The following TMEM131 variants were observed in gnomAD, a reference collection of about 807,000 sequenced individuals.
TMEM131 encodes 2610524E03Rik.
Under a neutral mutation model 211.6 loss-of-function variants are expected in TMEM131, and 66 were observed. The observed-to-expected ratio is 0.31, with a 90% CI of 0.26 to 0.38. The LOEUF (loss-of-function observed/expected upper bound fraction) is 0.38. TMEM131 is among the 10% of genes least tolerant of loss of function. The pLI is 1.00. For synonymous variants in TMEM131, 844 were observed against 841.3 expected (o/e 1.00, Z -0.06); for missense variants, 2,036 against 2,299.3 (o/e 0.89, Z 2.34).
At chr2:97,772,910 A>T (rs72946421) in intron 32 of TMEM131, among the ~76,000 whole-genome samples, 3,799 of 152,216 alleles carry the variant, frequency 0.025, 163 homozygotes, top group African/African-American at 0.087. Flanking sequence ...AATAAAGTAA[A>T]ATTTGTCTCG....
At chr2:97,848,482 C>T (rs949785579) in intron 5 of TMEM131, among the ~76,000 whole-genome samples, 1 of 152,166 alleles carries the variant, frequency 6.6e-6, no homozygotes, top group African/African-American at 2.4e-5. Flanking sequence ...TGGCTATGCA[C>T]GTATCTCCTG....
At position 97,995,522 on chromosome 2, in the gene TMEM131, G is replaced by C; in HGVS notation, c.141C>G (p.His47Gln). ...SAAAGLLGAL[H>Q]LVMTLVVAAA... ...CAGCCACTACGAGGGTCATCACCAGGTGCAGCGCGCCTAGGAGGCCGGCGG... is the reference window on the plus strand; with the variant it reads ...CAGCCACTACGAGGGTCATCACCAGCTGCAGCGCGCCTAGGAGGCCGGCGG... Residue 47 changes from histidine (H) to glutamine (Q), a missense_variant, in exon 1 of 41, where the codon CAC becomes CAG. His to Gln is a conservative substitution (Grantham distance 24, BLOSUM62 0). Transcript: ENST00000186436. The C allele has an allele frequency of 2.1e-6, 3 of 1,398,222 alleles. No individual in the cohort carries two copies. The highest frequency in any genetic ancestry group is 6.2e-5 in the East Asian group (2 of 32,078). The allele number at this position is 1,398,222 out of a possible 1,614,324, so 86.6% of individuals were successfully genotyped here. A position where few individuals can be genotyped will look rare whatever the true frequency, so the allele number is the denominator to read the frequency against.
chr2:97,908,241 C>A (rs570631531), intron 3 of TMEM131, among the ~76,000 whole-genome samples: 5 of 152,220 alleles, frequency 3.3e-5, no homozygotes, highest in Non-Finnish European at 7.4e-5. Context: ...TATTTAAAAG[C>A]GGTCTCTCCA....
rs184450372 is a variant in TMEM131 at position 97,954,183 on chromosome 2, T to C, written c.188-26696A>G. 1.5e-3 allele frequency among the ~76,000 whole-genome samples: 228 copies of C among 151,968 alleles called. 1 individual carries two copies. Among genetic ancestry groups the C allele is most frequent in the African/African-American group, 5.3e-3 (221 of 41,432 alleles). On this transcript the variant is annotated intron_variant, in intron 1 of 40. Transcript: ENST00000186436. ...AAAACAAGAGCAGAAACCAATGAAA[T>C]TGAAAACAGGAAAATAACAACAACA...
At chr2:97,770,502 G>C (rs747665465) in intron 33 of TMEM131, among the ~76,000 whole-genome samples, 10 of 152,198 alleles carry the variant, frequency 6.6e-5, no homozygotes, top group Non-Finnish European at 1.0e-4. Flanking sequence ...CCCTTGACTA[G>C]GCGGTTCAGG....
chr2:97,758,724 T>C (rs1678647574), intron 40 of TMEM131, among the ~76,000 whole-genome samples, 169 bp downstream of exon 40: 1 of 152,260 alleles, frequency 6.6e-6, no homozygotes, highest in African/African-American at 2.4e-5. Flanking sequence ...ATCAGTCATT[T>C]TGACAGAATA....
chr2:97,775,783 G>T, intron 32 of TMEM131, 60 bp downstream of exon 32: 1 of 1,536,798 alleles, frequency 6.5e-7, no homozygotes. Flanking sequence ...GGAAGGTCTT[G>T]TGAGCTGCAG....
intron 3 of TMEM131, among the ~76,000 whole-genome samples, chr2:97,895,005 G>T (rs1449426868): frequency 6.6e-6 from 1 of 152,106 alleles, no homozygotes; most frequent in African/African-American, 2.4e-5. Context: ...GTCGCTGTTG[G>T]TTTGTCATAA....
intron 35 of TMEM131, chr2:97,762,741 T>A (rs1678922017): frequency 6.5e-6 from 1 of 153,036 alleles, no homozygotes. Context: ...GCACAGTGGC[T>A]CGGACCTGTA....
intron 18 of TMEM131, among the ~76,000 whole-genome samples, chr2:97,810,226 T>TTAG (rs1681491328): frequency 6.6e-6 from 1 of 152,154 alleles, no homozygotes; most frequent in Non-Finnish European, 1.5e-5. Context: ...TTTTTAAAAA[T>TTAG]GCACTGAACA....
chr2:97,760,763 G>A lies in TMEM131; in HGVS notation c.5011+30C>T, dbSNP rs200225219. The A allele has an allele frequency of 6.3e-5, 101 of 1,613,732 alleles. 1 individual carries two copies. Among genetic ancestry groups the A allele is most frequent in the Admixed American group, 2.0e-4 (12 of 60,008 alleles). ...CATTCCACCAGGCCTGGCGCCTGGC[G>A]TGGCAGGTCTCTGAAGCAAAGGCAC... On this transcript the variant is annotated intron_variant, in intron 37 of 40. Coordinates refer to ENST00000186436, the MANE Select transcript of TMEM131 (RefSeq NM_015348.2).
chr2:97,775,532 T>C (rs1170101602), intron 32 of TMEM131, among the ~76,000 whole-genome samples: 1 of 152,252 alleles, frequency 6.6e-6, no homozygotes, highest in East Asian at 1.9e-4. Context: ...GGTAGAATAG[T>C]TACTATTCCA....
intron 4 of TMEM131, among the ~76,000 whole-genome samples, chr2:97,863,881 C>G (rs1440957644): frequency 6.6e-6 from 1 of 152,114 alleles, no homozygotes; most frequent in African/African-American, 2.4e-5. Flanking sequence ...TGAGTATACA[C>G]CCAAAATAAA....
In TMEM131 at chr2:97,844,133, T is replaced by C; in HGVS notation, c.600+12A>G. ...TATATTGTATAAAATAAGTTTTAAT[T>C]CTGGTTCTTACCTGGTAAGTAAATA... On this transcript the variant is annotated intron_variant, in intron 6 of 40. Coordinates refer to ENST00000186436, the MANE Select transcript of TMEM131 (RefSeq NM_015348.2). The C allele has an allele frequency of 1.2e-6, 1 of 867,110 alleles. No homozygotes were observed. The allele number at this position is 867,110 out of a possible 1,614,324, so 53.7% of individuals were successfully genotyped here. A position where few individuals can be genotyped will look rare whatever the true frequency, so the allele number is the denominator to read the frequency against.
intron 1 of TMEM131, among the ~76,000 whole-genome samples, chr2:97,965,225 G>T (rs1260341131): frequency 1.3e-5 from 2 of 152,136 alleles, no homozygotes; most frequent in African/African-American, 4.8e-5. Flanking sequence ...GAAATTCACA[G>T]AAACCGCCAC....
chr2:97,965,082 C>T (rs944404218), intron 1 of TMEM131, among the ~76,000 whole-genome samples: 2 of 152,092 alleles, frequency 1.3e-5, no homozygotes, highest in East Asian at 1.9e-4. Context: ...ACAGGTTGCT[C>T]GGGGAAATAA....
chr2:97,783,567 C>A (rs957019216), intron 31 of TMEM131, among the ~76,000 whole-genome samples: 2 of 151,924 alleles, frequency 1.3e-5, no homozygotes, highest in Admixed American at 6.6e-5. Context: ...AAAATGATGA[C>A]CCCAGGACCA....
intron 7 of TMEM131, 45 bp downstream of exon 7, chr2:97,841,770 T>C (rs1439913819): frequency 4.6e-6 from 7 of 1,527,840 alleles, no homozygotes; most frequent in Non-Finnish European, 6.2e-6. Flanking sequence ...AAGCATTAAT[T>C]CCCACCAAAA....
At chr2:97,782,935 C>T (rs2104846857) in intron 31 of TMEM131, among the ~76,000 whole-genome samples, 1 of 149,786 alleles carries the variant, frequency 6.7e-6, no homozygotes. Flanking sequence ...TAAAAACTTC[C>T]TAAATTTGGT....
Sources: gnomAD v4.1 joint callset for allele counts (sites outside exome capture counted in the v4.1 genomes callset) on GRCh38, gnomAD v4.1.1 for gene constraint, MANE v1.5 for transcripts, NCBI Gene and HGNC (gene_info 2026-07-23, HGNC 2026-07-21) for gene names.